PHKA2: variants seen among roughly 807,000 people sequenced by gnomAD.
PHKA2 encodes phosphorylase b kinase regulatory subunit alpha, liver isoform.
A neutral mutation model predicts 102.0 loss-of-function variants in PHKA2; 31 were observed. The observed-to-expected ratio is 0.30, with a 90% confidence interval of 0.23 to 0.41. PHKA2 has a LOEUF of 0.41. Among genes scored for constraint, PHKA2 ranks in the 10% least tolerant of loss-of-function variants. PHKA2 has a pLI of 1.00. For missense variants in PHKA2, 858 were observed against 1,023.1 expected (o/e 0.84, Z 2.20); for synonymous variants, 455 against 416.2 (o/e 1.09, Z -1.13).
chrX:18,959,681 G>C (rs1280917578), intron 1 of PHKA2, among the ~76,000 whole-genome samples: 1 of 110,691 alleles, frequency 9.0e-6, no homozygotes, highest in East Asian at 2.8e-4. Flanking sequence ...TTAATATCAG[G>C]GGCAAATTCT....
chrX:18,943,692 A>G lies in PHKA2; in HGVS notation c.717+18T>C, dbSNP rs1305855919. 4.3e-6 allele frequency: 5 copies of G among 1,154,806 alleles called. No homozygotes were observed. The South Asian group carries it at 9.0e-5, about 21-fold the overall frequency. On this transcript the variant is annotated intron_variant, in intron 7 of 32. Coordinates refer to ENST00000379942, the MANE Select transcript of PHKA2 (RefSeq NM_000292.3). ...AGGACTCTCCTTCCCTGCTCTCTGA[A>G]ATGCAAGAGGCTATTACCTGGCAGT...
rs778254722 is a variant in PHKA2, at chrX:18,930,200, T to C, written c.1246-894A>G. 2.7e-5 allele frequency among the ~76,000 whole-genome samples: 3 copies of C among 111,981 alleles called. No individual in the cohort carries two copies. In the South Asian group the frequency reaches 1.1e-3, roughly 42 times the overall value. ...TTTTCTTATTAATCAATCTGCCTCA[T>C]GTCAGTGATTTTTCATCAGACCTTT... On this transcript the variant is annotated intron_variant, in intron 12 of 32. Transcript: ENST00000379942.
chrX:18,893,456 A>G lies in PHKA2; in HGVS notation c.*29T>C, dbSNP rs1331515305. The G allele has an allele frequency of 7.5e-6, 9 of 1,195,292 alleles. No homozygotes were observed. The highest frequency in any genetic ancestry group is 9.1e-6 in the Non-Finnish European group (8 of 882,381). On this transcript the variant is annotated 3_prime_UTR_variant, in exon 33 of 33. Transcript: ENST00000379942. ...AGGCTAGGGGGCACGTGACAGATTG[A>G]GAGTGTGATCATGTTTCCAGGTGAG... is the stretch of plus-strand genomic sequence containing the variant.
At chrX:18,963,676 C>T (rs1317456754) in intron 1 of PHKA2, among the ~76,000 whole-genome samples, 1 of 112,026 alleles carries the variant, frequency 8.9e-6, no homozygotes, top group African/African-American at 3.2e-5. Context: ...ATGAACTAGA[C>T]ACCATAAAAC....
chrX:18,943,383 G>A (rs1028161496), intron 7 of PHKA2, among the ~76,000 whole-genome samples: 7 of 112,187 alleles, frequency 6.2e-5, no homozygotes, highest in African/African-American at 2.3e-4. Flanking sequence ...AAACCTGAAA[G>A]AAAACCATCT....
chrX:18,944,152 A>G (rs759656242), intron 6 of PHKA2, among the ~76,000 whole-genome samples: 41 of 110,944 alleles, frequency 3.7e-4, no homozygotes, highest in African/African-American at 1.3e-3. Flanking sequence ...TCTCCTGTAC[A>G]TTGCTGCTCA....
At chrX:18,967,515 G>A (rs1218226064) in intron 1 of PHKA2, among the ~76,000 whole-genome samples, 1 of 109,198 alleles carries the variant, frequency 9.2e-6, no homozygotes, top group African/African-American at 3.3e-5. Flanking sequence ...TGGCTTCGAT[G>A]AGGGTGGTGA....
rs189180154 is a variant in PHKA2, at chrX:18,903,187, G to A, written c.2909-1584C>T. On this transcript the variant is annotated intron_variant, in intron 26 of 32. Coordinates refer to ENST00000379942, the MANE Select transcript of PHKA2 (RefSeq NM_000292.3). ...TGACCTGCCTTTTTGTACTTGTATCGTGAATGTCTCTCCCTGGCATTAAAT... is the reference window on the plus strand; with the variant it reads ...TGACCTGCCTTTTTGTACTTGTATCATGAATGTCTCTCCCTGGCATTAAAT... 2.9e-3 allele frequency among the ~76,000 whole-genome samples: 329 copies of A among 112,409 alleles called. 4 individuals carry two copies. The highest frequency in any genetic ancestry group is 0.025 in the Admixed American group (268 of 10,689).
Position 18,894,856 on chromosome X carries a change from G to A in PHKA2, c.3336+282C>T, listed in dbSNP as rs1218195556. On this transcript the variant is annotated intron_variant, in intron 31 of 32. Coordinates refer to ENST00000379942, the MANE Select transcript of PHKA2 (RefSeq NM_000292.3). The stretch of plus-strand genomic sequence containing the variant: ...GGCAGGCCAGGGTGGCATGGAGATT[G>A]GCTCCTTTCTTTCACCAGGGTTCTA... The A allele has an allele frequency of 2.1e-5, 9 of 421,300 alleles. No homozygotes were observed. In the Admixed American group the frequency reaches 3.3e-4, roughly 15 times the overall value. 34.7% of individuals were successfully genotyped at this position (421,300 alleles called of 1,213,427 possible).
intron 19 of PHKA2, among the ~76,000 whole-genome samples, chrX:18,911,953 C>T (rs1323152558): frequency 1.8e-5 from 2 of 111,904 alleles, no homozygotes; most frequent in East Asian, 2.8e-4. Flanking sequence ...TCTTGGCTTC[C>T]GGTCCAGTAT....
chrX:18,945,160 T>TG lies in PHKA2; in HGVS notation c.538-3dup, dbSNP rs1556012149. The TG allele has an allele frequency of 8.6e-7, 1 of 1,167,042 alleles. No homozygotes were observed. The highest frequency in any genetic ancestry group is 1.8e-5 in the South Asian group (1 of 55,900). ...TCCACGCTCCCACATTCCATAATCC[T>TG]GGGGGAGAAAAAGGTGGGAATCAGA... On this transcript the variant is annotated splice_region_variant and splice_polypyrimidine_tract_variant and intron_variant, in intron 5 of 32. Coordinates refer to ENST00000379942, the MANE Select transcript of PHKA2 (RefSeq NM_000292.3).
intron 13 of PHKA2, among the ~76,000 whole-genome samples, chrX:18,927,221 G>A (rs959066175): frequency 5.3e-5 from 6 of 112,216 alleles, no homozygotes; most frequent in Non-Finnish European, 7.5e-5. Flanking sequence ...TGGTGGGAGA[G>A]GCTGGGCACC....
Position 18,924,533 on chromosome X carries a change from T to A in PHKA2, c.1570-8A>T. 1 of 1,209,932 alleles carries A rather than the reference T, an allele frequency of 8.3e-7. No homozygotes were observed. The highest frequency in any genetic ancestry group is 1.8e-5 in the South Asian group (1 of 56,918). ...GTGATGCTGGTCGGTGAACTGAAAG[T>A]CAGAGGAGGCTGGGTAAACGGCCAC... On this transcript the variant is annotated splice_polypyrimidine_tract_variant and splice_region_variant and intron_variant, in intron 15 of 32. Coordinates refer to ENST00000379942, the MANE Select transcript of PHKA2 (RefSeq NM_000292.3).
chrX:18,945,198 GTA>G, intron 5 of PHKA2, 40 bp from the exon 6 acceptor site: 1 of 884,884 alleles, frequency 1.1e-6, no homozygotes, highest in Non-Finnish European at 1.7e-6. Flanking sequence ...GGAGAAAGAG[GTA>G]TATAAGAAGT....
At chrX:18,904,571 T>C (rs190946317) in intron 26 of PHKA2, among the ~76,000 whole-genome samples, 60 of 112,371 alleles carry the variant, frequency 5.3e-4, no homozygotes, top group African/African-American at 1.7e-3. Flanking sequence ...ACACATTAAA[T>C]ATTTATCTCG....
chrX:18,961,917 G>C (rs746263385), intron 1 of PHKA2, among the ~76,000 whole-genome samples: 2 of 110,025 alleles, frequency 1.8e-5, no homozygotes, highest in Non-Finnish European at 3.8e-5. Context: ...TAATGTCACA[G>C]GACGGAGGTG....
rs1327481826 is a variant in PHKA2, at chrX:18,892,440, G to GACTC, written c.*1041_*1044dup. ...AAAGATTTGCCAGACCCTGACACCT[G>GACTC]ACTCAACCTTGCTCTCCTCCAATCG... On this transcript the variant is annotated 3_prime_UTR_variant, in exon 33 of 33. Transcript: ENST00000379942. 3 of 112,903 alleles carry GACTC rather than the reference G, an allele frequency of 2.7e-5. No homozygotes were observed. Among genetic ancestry groups the GACTC allele is most frequent in the Non-Finnish European group, 3.7e-5 (2 of 53,416 alleles). 9.3% of individuals were successfully genotyped at this position (112,903 alleles called of 1,213,427 possible). A position where few individuals can be genotyped will look rare whatever the true frequency, so the allele number is the denominator to read the frequency against.
chrX:18,906,956 G>C (rs59659305), intron 23 of PHKA2, 62 bp downstream of exon 23: 10 of 1,048,852 alleles, frequency 9.5e-6, no homozygotes, highest in East Asian at 9.3e-5. Context: ...CCGAACACTG[G>C]GAAGCGCTGT....
At chrX:18,960,635 C>G (rs761589396) in intron 1 of PHKA2, among the ~76,000 whole-genome samples, 1 of 112,087 alleles carries the variant, frequency 8.9e-6, no homozygotes, top group African/African-American at 3.2e-5. Flanking sequence ...CTAAACCATT[C>G]ATAAGAAATC....
Sources: allele counts gnomAD v4.1 joint callset (sites outside exome capture counted in the v4.1 genomes callset), GRCh38; gene constraint gnomAD v4.1.1; transcripts MANE v1.5; gene names NCBI Gene and HGNC (gene_info 2026-07-23, HGNC 2026-07-21).